The following GREM2 variants were observed in gnomAD, a reference collection of about 807,000 sequenced individuals.
The protein encoded by GREM2 is gremlin 2, DAN family BMP antagonist.
A neutral mutation model predicts 14.2 loss-of-function variants in GREM2; 11 were observed. The ratio of observed to expected loss-of-function variants is 0.78; its 90% CI spans 0.49 to 1.28. The LOEUF (loss-of-function observed/expected upper bound fraction) is 1.28, where lower values mean the gene tolerates loss of function less well. Ranked by LOEUF, GREM2 falls within the 50% of genes most tolerant of loss-of-function variation. GREM2 has a pLI of 0.00. For synonymous variants in GREM2, 98 were observed against 97.6 expected, an observed-to-expected ratio of 1.00 and a Z score of -0.02; for missense variants, 210 against 218.5, an observed-to-expected ratio of 0.96 and a Z score of 0.24.
intron 1 of GREM2, among the ~76,000 whole-genome samples, chr1:240,546,574 T>G (rs1241712396): frequency 2.0e-5 from 3 of 152,202 alleles, no homozygotes; most frequent in African/African-American, 7.2e-5. Flanking sequence ...ACAAGCAATC[T>G]ATACGTAGTT....
intron 1 of GREM2, among the ~76,000 whole-genome samples, chr1:240,512,756 T>C (rs1677861649): frequency 6.6e-6 from 1 of 152,194 alleles, no homozygotes; most frequent in South Asian, 2.1e-4. Context: ...CACATTCATA[T>C]TTCAGTTTGT....
At chr1:240,567,980 G>A (rs929471559) in intron 1 of GREM2, among the ~76,000 whole-genome samples, 3 of 152,070 alleles carry the variant, frequency 2.0e-5, no homozygotes, top group African/African-American at 4.8e-5. Flanking sequence ...GTGGTGGAGT[G>A]TGCCTATAAT....
rs148583208 is a variant in GREM2, at chr1:240,520,996, C to T, written c.-1-27520G>A. On this transcript the variant is annotated intron_variant, in intron 1 of 1. Transcript: ENST00000318160. ...AGAACCAACAATCTGGTTCAGTATC[C>T]CATCCTCTGGTTATTTTTTGGAAAA... is the stretch of plus-strand genomic sequence containing the variant. 2.7e-4 allele frequency among the ~76,000 whole-genome samples: 41 copies of T among 151,592 alleles called. 1 individual carries two copies. The highest frequency in any genetic ancestry group is 9.9e-4 in the African/African-American group (41 of 41,282).
At chr1:240,526,003 A>G (rs996253247) in intron 1 of GREM2, among the ~76,000 whole-genome samples, 2 of 152,160 alleles carry the variant, frequency 1.3e-5, no homozygotes, top group Admixed American at 1.3e-4. Flanking sequence ...ATTCTTTTGC[A>G]GTCACATCTC....
intron 1 of GREM2, among the ~76,000 whole-genome samples, chr1:240,570,252 A>G (rs890741188): frequency 1.3e-5 from 2 of 152,132 alleles, no homozygotes. Flanking sequence ...TCACGAGATC[A>G]AGAGACCAAG....
chr1:240,605,000 C>T (rs912876820), intron 1 of GREM2, among the ~76,000 whole-genome samples: 1 of 152,174 alleles, frequency 6.6e-6, no homozygotes, highest in Non-Finnish European at 1.5e-5. Flanking sequence ...TCTCAGCATT[C>T]CACAAGTTAC....
chr1:240,530,652 C>G (rs1678335813), intron 1 of GREM2: 1 of 152,156 alleles, frequency 6.6e-6, no homozygotes, highest in Non-Finnish European at 1.5e-5. Flanking sequence ...AGGACCATCG[C>G]AAATGAAACC....
intron 1 of GREM2, among the ~76,000 whole-genome samples, chr1:240,602,103 G>A (rs1233493632): frequency 2.6e-5 from 4 of 152,102 alleles, no homozygotes; most frequent in Admixed American, 2.6e-4. Context: ...CTTTAATACA[G>A]AGAAGTTCTC....
At chr1:240,514,484 A>T (rs549223308) in intron 1 of GREM2, among the ~76,000 whole-genome samples, 1 of 143,526 alleles carries the variant, frequency 7.0e-6, no homozygotes, top group African/African-American at 2.8e-5. Flanking sequence ...AAATGTACAC[A>T]CTGGAGTAAG....
At chr1:240,526,557 C>A (rs371587363) in intron 1 of GREM2, among the ~76,000 whole-genome samples, 1 of 152,144 alleles carries the variant, frequency 6.6e-6, no homozygotes, top group African/African-American at 2.4e-5. Context: ...GTTACTCCTG[C>A]CTTCTTCTCT....
intron 1 of GREM2, among the ~76,000 whole-genome samples, chr1:240,527,707 C>A (rs138921491): frequency 6.6e-6 from 1 of 152,322 alleles, no homozygotes; most frequent in Non-Finnish European, 1.5e-5. Context: ...GATCTCTAAT[C>A]TCTACCACAG....
At chr1:240,559,854 A>G (rs1452664533) in intron 1 of GREM2, among the ~76,000 whole-genome samples, 5 of 152,154 alleles carry the variant, frequency 3.3e-5, no homozygotes, top group Admixed American at 3.3e-4. Flanking sequence ...TTTTAATTAA[A>G]ATGTTCTGTG....
chr1:240,510,240 G>T (rs557107679), intron 1 of GREM2, among the ~76,000 whole-genome samples: 8 of 151,748 alleles, frequency 5.3e-5, no homozygotes, highest in Admixed American at 2.6e-4. Flanking sequence ...CGTGGTGGCG[G>T]GCGCCTGTAG....
chr1:240,607,161 A>T (rs1680042924), intron 1 of GREM2, among the ~76,000 whole-genome samples: 1 of 152,216 alleles, frequency 6.6e-6, no homozygotes, highest in Non-Finnish European at 1.5e-5. Context: ...GCCATTTCTC[A>T]GAGGGAAGCA....
intron 1 of GREM2, among the ~76,000 whole-genome samples, chr1:240,575,385 A>T (rs1679340827): frequency 6.6e-6 from 1 of 151,518 alleles, no homozygotes; most frequent in African/African-American, 2.4e-5. Context: ...AGGCAAGTAA[A>T]GCAGACTGGG....
In GREM2 at chr1:240,503,643, A is replaced by G. The variant is rs145787139; in HGVS notation, c.-1-10167T>C. ...TGAAATGCACAAAACTATGTGTTCT[A>G]TCTACCACATGCAAGGCTGCTTTCC... On this transcript the variant is annotated intron_variant, in intron 1 of 1. Coordinates refer to ENST00000318160, the MANE Select transcript of GREM2 (RefSeq NM_022469.4). 2.2e-3 allele frequency among the ~76,000 whole-genome samples: 330 copies of G among 152,276 alleles called. 3 individuals are homozygous for G. Among genetic ancestry groups the G allele is most frequent in the East Asian group, 9.3e-3 (48 of 5,168 alleles).
chr1:240,607,173 G>A (rs183791132), intron 1 of GREM2, among the ~76,000 whole-genome samples: 22 of 152,272 alleles, frequency 1.4e-4, no homozygotes, highest in African/African-American at 4.6e-4. Context: ...AGGGAAGCAC[G>A]TAGAATTGAT....
chr1:240,585,320 T>C (rs1456526130), intron 1 of GREM2, among the ~76,000 whole-genome samples: 2 of 152,132 alleles, frequency 1.3e-5, no homozygotes, highest in East Asian at 3.9e-4. Context: ...GTGACTGTTA[T>C]GGTCATCTGC....
At chr1:240,562,285 T>G (rs1679055205) in intron 1 of GREM2, among the ~76,000 whole-genome samples, 1 of 152,210 alleles carries the variant, frequency 6.6e-6, no homozygotes, top group Non-Finnish European at 1.5e-5. Context: ...TTTTGTGAAC[T>G]GTATGACCCT....
Sources: gnomAD v4.1 joint callset for allele counts (sites outside exome capture counted in the v4.1 genomes callset) on GRCh38, gnomAD v4.1.1 for gene constraint, MANE v1.5 for transcripts, NCBI Gene and HGNC (gene_info 2026-07-23, HGNC 2026-07-21) for gene names.